Variants in KCNQ1 observed in about 807,000 individuals in gnomAD.
KCNQ1 encodes the protein potassium voltage-gated channel subfamily Q member 1, also known as potassium voltage-gated channel subfamily KQT member 1.
KCNQ1 carries 49 observed loss-of-function variants against 72.4 expected under a neutral mutation model. That is an observed-to-expected ratio of 0.68 (90% CI 0.54 to 0.86). The LOEUF is 0.86. KCNQ1 is among the 40% of genes least tolerant of loss of function. KCNQ1 has a pLI of 0.00. For missense variants in KCNQ1, 790 were observed against 945.1 expected, an observed-to-expected ratio of 0.84 and a Z score of 2.15; for synonymous variants, 450 against 412.6, an observed-to-expected ratio of 1.09 and a Z score of -1.10.
Position 2,726,517 on chromosome 11 carries a change from C to T in KCNQ1, c.1515-42327C>T, listed in dbSNP as rs1845767213. 2.6e-5 allele frequency among the ~76,000 whole-genome samples: 4 copies of T among 152,132 alleles called. No individual in the cohort carries two copies. The South Asian group carries it at 8.3e-4, about 31-fold the overall frequency. Reference sequence around the variant, plus strand: ...CCACCCACTGCAGGTTCCAGCCGTCCCCCACCCCACCCCTGCCCCACCATG... The same window carrying T: ...CCACCCACTGCAGGTTCCAGCCGTCTCCCACCCCACCCCTGCCCCACCATG... On this transcript the variant is annotated intron_variant, in intron 11 of 15. Coordinates refer to ENST00000155840, the MANE Select transcript of KCNQ1 (RefSeq NM_000218.3).
chr11:2,629,477 T>A, intron 10 of KCNQ1: 1 of 398,516 alleles, frequency 2.5e-6, no homozygotes. Context: ...TACATTTAGG[T>A]CTGTGGTCCA....
At chr11:2,805,132 T>G (rs1307887656) in intron 15 of KCNQ1, among the ~76,000 whole-genome samples, 2 of 152,234 alleles carry the variant, frequency 1.3e-5, no homozygotes, top group African/African-American at 4.8e-5. Flanking sequence ...CGGGTCAGGC[T>G]GAGCCAGACG....
chr11:2,480,439 AG>A (rs1391144183), intron 1 of KCNQ1, among the ~76,000 whole-genome samples: 2 of 152,278 alleles, frequency 1.3e-5, no homozygotes, highest in Non-Finnish European at 2.9e-5. Context: ...GCTGGCAAAG[AG>A]AGAATGAAAA....
Position 2,824,445 on chromosome 11 carries a change from C to T in KCNQ1, c.1795-23322C>T, listed in dbSNP as rs999618969. Among the ~76,000 whole-genome samples the T allele has an allele frequency of 2.0e-5, 3 of 152,290 alleles. No individual in the cohort carries two copies. Among genetic ancestry groups the T allele is most frequent in the Middle Eastern group, 3.4e-3 (1 of 294 alleles). On this transcript the variant is annotated intron_variant, in intron 15 of 15. Coordinates refer to ENST00000155840, the MANE Select transcript of KCNQ1 (RefSeq NM_000218.3). This position sits in a 1 kb window ranked among gnomAD's most constrained non-coding sequence, Gnocchi z 5.9. ...TATGTTGGAGGCTGAAACGATTCAT[C>T]CAGACAGGAGCAGGGAGGAGGACAC...
intron 11 of KCNQ1, chr11:2,680,593 C>T (rs890271193): frequency 2.0e-5 from 8 of 398,330 alleles, no homozygotes; most frequent in Non-Finnish European, 2.2e-5. Flanking sequence ...TAGTCTCCCC[C>T]GATAGTAACA....
chr11:2,621,038 C>T lies in KCNQ1; in HGVS notation c.1393+32184C>T, dbSNP rs759730245. The T allele has an allele frequency of 1.8e-4, 73 of 396,218 alleles. No homozygotes were observed. The highest frequency in any genetic ancestry group is 3.3e-4 in the African/African-American group (16 of 48,410). 24.5% of individuals were successfully genotyped at this position (396,218 alleles called of 1,614,324 possible). A position where few individuals can be genotyped will look rare whatever the true frequency, so the allele number is the denominator to read the frequency against. On this transcript the variant is annotated intron_variant, in intron 10 of 15. Transcript: ENST00000155840. The surrounding 1 kb of genome is among the most constrained non-coding windows in gnomAD (Gnocchi z 5.7). ...TGTCTCCCAGGCTGGAGTGCAGTGG[C>T]GCAATCTCGGCTCACTGCAACCTCC... is the stretch of plus-strand genomic sequence containing the variant.
rs141480262 is a variant in KCNQ1 at position 2,629,608 on chromosome 11, A to G, written c.1394-32353A>G. 455 of 398,494 alleles carry G rather than the reference A, an allele frequency of 1.1e-3. 2 individuals carry two copies. The highest frequency in any genetic ancestry group is 8.3e-3 in the African/African-American group (404 of 48,744). The allele number at this position is 398,494 out of a possible 1,614,324, so 24.7% of individuals were successfully genotyped here. On this transcript the variant is annotated intron_variant, in intron 10 of 15. Coordinates refer to ENST00000155840, the MANE Select transcript of KCNQ1 (RefSeq NM_000218.3). ...AGAGAATCCATTTGCCATTGAATGG[A>G]CATGGCATGCTTGTCAGAAATCATG... is the stretch of plus-strand genomic sequence containing the variant.
At chr11:2,839,536 A>AC (rs57823802) in intron 15 of KCNQ1, among the ~76,000 whole-genome samples, 3 of 151,798 alleles carry the variant, frequency 2.0e-5, no homozygotes, top group Non-Finnish European at 2.9e-5. Flanking sequence ...GCACACATAG[A>AC]CCCCCTGGGG....
intron 11 of KCNQ1, among the ~76,000 whole-genome samples, chr11:2,721,033 G>A (rs972034219): frequency 6.6e-6 from 1 of 152,138 alleles, no homozygotes; most frequent in Non-Finnish European, 1.5e-5. Context: ...GCAGCAGCCA[G>A]GCCCCAGATG....
chr11:2,555,609 C>T (rs965640806), intron 2 of KCNQ1, among the ~76,000 whole-genome samples: 3 of 152,260 alleles, frequency 2.0e-5, no homozygotes, highest in Middle Eastern at 3.2e-3. Context: ...GGTATGATTC[C>T]TGGGAGGCAG....
In KCNQ1 at chr11:2,826,263, C is replaced by T. The variant is rs921064426; in HGVS notation, c.1795-21504C>T. 4.6e-5 allele frequency among the ~76,000 whole-genome samples: 7 copies of T among 152,126 alleles called. No individual in the cohort carries two copies. Among genetic ancestry groups the T allele is most frequent in the East Asian group, 1.9e-4 (1 of 5,182 alleles). On this transcript the variant is annotated intron_variant, in intron 15 of 15. Transcript: ENST00000155840. The surrounding 1 kb of genome is among the most constrained non-coding windows in gnomAD (Gnocchi z 4.2). ...CTGTGACTTGGAAGGAAAGAGGGCC[C>T]GGCCTTTGAAAAATGAAGAAATTGA...
intron 11 of KCNQ1, among the ~76,000 whole-genome samples, chr11:2,755,186 T>A (rs1284717196): frequency 6.6e-6 from 1 of 152,194 alleles, no homozygotes; most frequent in African/African-American, 2.4e-5. Flanking sequence ...TGACATTTTT[T>A]TTCGTAATCA....
intron 1 of KCNQ1, among the ~76,000 whole-genome samples, chr11:2,503,113 A>G (rs1299575967): frequency 1.3e-5 from 2 of 152,226 alleles, no homozygotes; most frequent in African/African-American, 4.8e-5. Context: ...TCTCCAGGAC[A>G]TTGGAGTGGG....
At chr11:2,615,951 G>A (rs1004912071) in intron 10 of KCNQ1, 7 of 398,120 alleles carry the variant, frequency 1.8e-5, no homozygotes, top group African/African-American at 1.4e-4. Flanking sequence ...AATTCTTCAA[G>A]TGTTTGGTAT....
intron 10 of KCNQ1, chr11:2,641,455 ATG>A: frequency 2.5e-6 from 1 of 397,980 alleles, no homozygotes; most frequent in Non-Finnish European, 4.4e-6. Context: ...ATATCTATCC[ATG>A]TCTTTTGCTC....
At chr11:2,765,918 T>C (rs927425716) in intron 11 of KCNQ1, among the ~76,000 whole-genome samples, 2 of 152,238 alleles carry the variant, frequency 1.3e-5, no homozygotes, top group African/African-American at 2.4e-5. Context: ...TTATAATGTA[T>C]GCAATCTACC....
chr11:2,508,725 A>G lies in KCNQ1; in HGVS notation c.387-19203A>G, dbSNP rs888313763. Among the ~76,000 whole-genome samples, 1 of 152,190 alleles carries G rather than the reference A, an allele frequency of 6.6e-6. No homozygotes were observed. Among genetic ancestry groups the G allele is most frequent in the South Asian group, 2.1e-4 (1 of 4,836 alleles). ...GCAGTGACCACCTGGCTTCCTCTAT[A>G]GAAACTCCCCGAATGGGAGGGATGG... is the stretch of plus-strand genomic sequence containing the variant. On this transcript the variant is annotated intron_variant, in intron 1 of 15. Transcript: ENST00000155840. The surrounding 1 kb of genome is among the most constrained non-coding windows in gnomAD (Gnocchi z 6.2).
chr11:2,596,789 C>T (rs1848738894), intron 10 of KCNQ1, among the ~76,000 whole-genome samples: 1 of 151,946 alleles, frequency 6.6e-6, no homozygotes, highest in Admixed American at 6.6e-5. Context: ...GCGATGGTTT[C>T]ATCATGTGTC....
chr11:2,671,890 A>C lies in KCNQ1; in HGVS notation c.1514+9809A>C, dbSNP rs1207090338. 2.5e-6 allele frequency: 1 copy of C among 398,586 alleles called. No individual in the cohort carries two copies. The highest frequency in any genetic ancestry group is 2.1e-5 in the African/African-American group (1 of 48,634). 24.7% of individuals were successfully genotyped at this position (398,586 alleles called of 1,614,324 possible). A position where few individuals can be genotyped will look rare whatever the true frequency, so the allele number is the denominator to read the frequency against. On this transcript the variant is annotated intron_variant, in intron 11 of 15. Coordinates refer to ENST00000155840, the MANE Select transcript of KCNQ1 (RefSeq NM_000218.3). This position sits in a 1 kb window ranked among gnomAD's most constrained non-coding sequence, Gnocchi z 4.7. ...CCCTGGAGAGGAGGTGGGCAGCACC[A>C]GGCAGCCAGCCTGTGGGCCCCGCTA... is the stretch of plus-strand genomic sequence containing the variant.
Sources: gnomAD v4.1 joint callset for allele counts (sites outside exome capture counted in the v4.1 genomes callset) on GRCh38, gnomAD v4.1.1 for gene constraint, Gnocchi (gnomAD v3.1) non-coding constraint, MANE v1.5 for transcripts, NCBI Gene and HGNC (gene_info 2026-07-23, HGNC 2026-07-21) for gene names.